TSNARE1: variants seen among roughly 807,000 people sequenced by gnomAD.
The protein encoded by TSNARE1 is t-SNARE domain-containing protein 1.
A neutral mutation model predicts 62.0 loss-of-function variants in TSNARE1; 49 were observed. The observed-to-expected ratio is 0.79, with a 90% CI of 0.63 to 1.00. The LOEUF (loss-of-function observed/expected upper bound fraction) is 1.00. Ranked by LOEUF, TSNARE1 falls within the 50% of genes least tolerant of loss-of-function variation. TSNARE1 has a pLI of 0.00. For synonymous variants in TSNARE1, 328 were observed against 294.4 expected (o/e 1.11, Z -1.17); for missense variants, 755 against 700.1 (o/e 1.08, Z -0.88).
intron 12 of TSNARE1, among the ~76,000 whole-genome samples, chr8:142,263,122 T>C (rs1818972425): frequency 1.3e-5 from 2 of 152,226 alleles, no homozygotes; most frequent in African/African-American, 2.4e-5. Context: ...GGGCTCCTCA[T>C]ATCTCACCGT....
At chr8:142,265,243 T>A (rs1819074077) in intron 12 of TSNARE1, among the ~76,000 whole-genome samples, 1 of 152,152 alleles carries the variant, frequency 6.6e-6, no homozygotes, top group South Asian at 2.1e-4. Flanking sequence ...CTTTTACAAC[T>A]GCACCCTACC....
At chr8:142,275,873 A>T in intron 11 of TSNARE1, 1 of 984,242 alleles carries the variant, frequency 1.0e-6, no homozygotes, top group Non-Finnish European at 1.2e-6. Context: ...GCTCTGAGGG[A>T]GGAGGGTCCT....
intron 9 of TSNARE1, 61 bp downstream of exon 9, chr8:142,314,323 G>T: frequency 6.7e-7 from 1 of 1,498,908 alleles, no homozygotes; most frequent in South Asian, 1.2e-5. Context: ...GAGCACAGAT[G>T]GCAGCGGATT....
chr8:142,304,215 G>A (rs950514316), intron 9 of TSNARE1, among the ~76,000 whole-genome samples: 2 of 152,258 alleles, frequency 1.3e-5, no homozygotes, highest in African/African-American at 4.8e-5. Context: ...GGGAGGAAGT[G>A]AGCAGTGCCT....
chr8:142,331,033 T>C (rs1830954547), intron 5 of TSNARE1, 63 bp from the exon 6 acceptor site: 1 of 1,486,286 alleles, frequency 6.7e-7, no homozygotes, highest in African/African-American at 1.4e-5. Context: ...TGCTACTCCA[T>C]ATGGGTGGCC....
chr8:142,350,867 ACACTC>A (rs1834004712), intron 2 of TSNARE1, among the ~76,000 whole-genome samples: 1 of 152,214 alleles, frequency 6.6e-6, no homozygotes. Context: ...AGACAGAGAC[ACACTC>A]GAAGGAGGAG....
intron 12 of TSNARE1, among the ~76,000 whole-genome samples, chr8:142,236,126 G>C (rs781545935): frequency 2.0e-5 from 3 of 152,216 alleles, no homozygotes; most frequent in Non-Finnish European, 4.4e-5. Context: ...AGTTTCCCCG[G>C]TCAGTTTCCT....
Position 142,274,943 on chromosome 8 carries a change from C to A in TSNARE1, c.1364-80G>T, listed in dbSNP as rs1348220752. The A allele has an allele frequency of 2.8e-6, 4 of 1,407,344 alleles. No individual in the cohort carries two copies. In the African/African-American group the frequency reaches 6.0e-5, roughly 21 times the overall value. The allele number at this position is 1,407,344 out of a possible 1,614,324, so 87.2% of individuals were successfully genotyped here. On this transcript the variant is annotated intron_variant, in intron 11 of 13. Coordinates refer to ENST00000524325, the MANE Select transcript of TSNARE1 (RefSeq NM_145003.5). The stretch of plus-strand genomic sequence containing the variant: ...CCTGAGGACACCCCCCAAAGGCAAG[C>A]CCAGGGAGCCTGAGCCCAGGGCCTG...
At chr8:142,292,283 C>A (rs1489983002) in intron 10 of TSNARE1, among the ~76,000 whole-genome samples, 1 of 152,162 alleles carries the variant, frequency 6.6e-6, no homozygotes, top group South Asian at 2.1e-4. Flanking sequence ...AAGTTCTGAC[C>A]CACAGAACCC....
chr8:142,328,767 C>A (rs1184278236), intron 6 of TSNARE1, among the ~76,000 whole-genome samples: 1 of 147,866 alleles, frequency 6.8e-6, no homozygotes. Flanking sequence ...CCCATGGGAT[C>A]GCAACGTGGC....
intron 9 of TSNARE1, among the ~76,000 whole-genome samples, chr8:142,310,855 T>C (rs761860251): frequency 1.3e-5 from 2 of 152,218 alleles, no homozygotes; most frequent in Non-Finnish European, 2.9e-5. Flanking sequence ...TGCTTGTTTT[T>C]GTTTTTTCTT....
chr8:142,229,501 T>A lies in TSNARE1; in HGVS notation c.1525A>T (p.Thr509Ser). 6.2e-7 allele frequency: 1 copy of A among 1,613,968 alleles called. No homozygotes were observed. The highest frequency in any genetic ancestry group is 8.5e-7 in the Non-Finnish European group (1 of 1,179,980). ...ALLVIIIIIATSVRK is the reference protein window; with the variant it reads ...ALLVIIIIIASSVRK ...GGGTAGCATCACTTTCGGACAGAGG[T>A]GGCGATGATGATGATGATGACAAGC... is the stretch of plus-strand genomic sequence containing the variant. Residue 509 changes from threonine to serine, a missense_variant, in exon 13 of 14, where the codon ACC (threonine) becomes TCC (serine). Thr to Ser is a moderately conservative substitution (Grantham distance 58). Transcript: ENST00000524325.
chr8:142,267,216 C>A (rs1396374444), intron 12 of TSNARE1, among the ~76,000 whole-genome samples: 7 of 152,196 alleles, frequency 4.6e-5, no homozygotes, highest in African/African-American at 1.7e-4. Context: ...CAAGTGATTT[C>A]CAACTGGAGG....
intron 13 of TSNARE1, among the ~76,000 whole-genome samples, chr8:142,213,426 C>CATG (rs1259327829): frequency 6.6e-6 from 1 of 150,810 alleles, no homozygotes; most frequent in African/African-American, 2.4e-5. Flanking sequence ...TGTACTTTTC[C>CATG]ATGATGACTT....
chr8:142,256,705 G>A (rs1818603155), intron 12 of TSNARE1, among the ~76,000 whole-genome samples: 2 of 152,034 alleles, frequency 1.3e-5, no homozygotes, highest in Admixed American at 1.3e-4. Flanking sequence ...TATTTTACAG[G>A]AGAGCGCAAT....
chr8:142,344,877 A>T (rs909737659), intron 3 of TSNARE1, among the ~76,000 whole-genome samples: 7 of 152,170 alleles, frequency 4.6e-5, no homozygotes, highest in African/African-American at 1.7e-4. Context: ...CAGCCTTGCC[A>T]GCTGACATTT....
At chr8:142,323,968 C>T (rs1191826684) in intron 6 of TSNARE1, among the ~76,000 whole-genome samples, 1 of 152,176 alleles carries the variant, frequency 6.6e-6, no homozygotes, top group Admixed American at 6.5e-5. Flanking sequence ...AGGCCCATGT[C>T]AGTGAACCTG....
chr8:142,361,712 T>G (rs191626929), intron 1 of TSNARE1, among the ~76,000 whole-genome samples: 1 of 152,130 alleles, frequency 6.6e-6, no homozygotes, highest in African/African-American at 2.4e-5. Flanking sequence ...GTGGAACACA[T>G]GCTACCTTCA....
Position 142,294,866 on chromosome 8 carries a change from C to T in TSNARE1, c.1290+5620G>A, listed in dbSNP as rs1266376213. Among the ~76,000 whole-genome samples the T allele has an allele frequency of 2.0e-5, 3 of 152,356 alleles. No individual in the cohort carries two copies. In the East Asian group the frequency reaches 5.8e-4, roughly 29 times the overall value. On this transcript the variant is annotated intron_variant, in intron 10 of 13. Transcript: ENST00000524325. The stretch of plus-strand genomic sequence containing the variant: ...CAGACACAATTGAAGCTCACACTCC[C>T]GGTGATGAGATGGGAATGGCCTCTC...
Sources: allele counts gnomAD v4.1 joint callset (sites outside exome capture counted in the v4.1 genomes callset), GRCh38; gene constraint gnomAD v4.1.1; transcripts MANE v1.5; gene names NCBI Gene and HGNC (gene_info 2026-07-23, HGNC 2026-07-21).